ARHGAP6: variants seen among roughly 807,000 people sequenced by gnomAD.
The protein encoded by ARHGAP6 is rho GTPase-activating protein 6.
Under a neutral mutation model 55.7 loss-of-function variants are expected in ARHGAP6, and 16 were observed. That is an observed-to-expected ratio of 0.29 (90% CI 0.19 to 0.44). The LOEUF (loss-of-function observed/expected upper bound fraction) is 0.44. ARHGAP6 is among the 20% of genes least tolerant of loss of function. ARHGAP6 has a pLI of 1.00. For synonymous variants in ARHGAP6, 382 were observed against 360.9 expected, an observed-to-expected ratio of 1.06 and a Z score of -0.66; for missense variants, 698 against 808.9, an observed-to-expected ratio of 0.86 and a Z score of 1.66.
chrX:11,548,918 G>A (rs2147081449), intron 1 of ARHGAP6, among the ~76,000 whole-genome samples: 1 of 112,138 alleles, frequency 8.9e-6, no homozygotes, highest in East Asian at 2.8e-4. Context: ...CGGCTGAAAA[G>A]CATTTTATTG....
intron 1 of ARHGAP6, among the ~76,000 whole-genome samples, chrX:11,579,622 T>C (rs745496753): frequency 8.9e-6 from 1 of 112,127 alleles, no homozygotes; most frequent in African/African-American, 3.2e-5. Context: ...GTCACTTATC[T>C]GGGGGCAGAG....
chrX:11,345,497 G>A (rs964258459), intron 1 of ARHGAP6, among the ~76,000 whole-genome samples: 1 of 112,110 alleles, frequency 8.9e-6, no homozygotes, highest in African/African-American at 3.2e-5. Context: ...ATTTTTCTTT[G>A]AAGTATCTGA....
At chrX:11,497,559 T>C (rs148248172) in intron 1 of ARHGAP6, among the ~76,000 whole-genome samples, 2 of 41,122 alleles carry the variant, frequency 4.9e-5, no homozygotes, top group African/African-American at 9.3e-5. Context: ...CCCTCCCTCC[T>C]TCTCTCTCTC....
intron 5 of ARHGAP6, among the ~76,000 whole-genome samples, chrX:11,185,009 T>C (rs1319791902): frequency 8.9e-6 from 1 of 112,200 alleles, no homozygotes; most frequent in East Asian, 2.8e-4. Flanking sequence ...TGTAGGTAAC[T>C]GTAACAAAAT....
chrX:11,258,777 G>T (rs1327469074), intron 1 of ARHGAP6, among the ~76,000 whole-genome samples: 1 of 111,739 alleles, frequency 8.9e-6, no homozygotes, highest in Non-Finnish European at 1.9e-5. Context: ...GAGATCTGAG[G>T]TTATTTTGTT....
At chrX:11,458,755 C>T (rs1032061745) in intron 1 of ARHGAP6, among the ~76,000 whole-genome samples, 2 of 111,752 alleles carry the variant, frequency 1.8e-5, no homozygotes, top group Non-Finnish European at 3.8e-5. Context: ...GCCTGGGGTA[C>T]ATCAGCAAAC....
At chrX:11,153,524 CAAA>C (rs55669123) in intron 10 of ARHGAP6, among the ~76,000 whole-genome samples, 1 of 20,116 alleles carries the variant, frequency 5.0e-5, no homozygotes, top group Non-Finnish European at 8.6e-5. Context: ...GACTCGATCT[CAAA>C]AAAAAAAAAA....
At chrX:11,484,233 C>T (rs1220703620) in intron 1 of ARHGAP6, among the ~76,000 whole-genome samples, 2 of 110,072 alleles carry the variant, frequency 1.8e-5, no homozygotes, top group Admixed American at 2.0e-4. Flanking sequence ...CAGCTTTGCC[C>T]TGGTATGTGC....
intron 1 of ARHGAP6, among the ~76,000 whole-genome samples, chrX:11,490,533 C>T (rs760834799): frequency 1.8e-5 from 2 of 111,773 alleles, no homozygotes; most frequent in Non-Finnish European, 3.8e-5. Flanking sequence ...GGACTCCTGA[C>T]CTATGGAAAC....
chrX:11,435,591 G>C (rs2049980280), intron 1 of ARHGAP6, among the ~76,000 whole-genome samples: 3 of 111,919 alleles, frequency 2.7e-5, no homozygotes, highest in African/African-American at 9.8e-5. Flanking sequence ...TTTTTAGTGA[G>C]ATTCTTTGGT....
In ARHGAP6 at chrX:11,516,729, T is replaced by C. The variant is rs531000249; in HGVS notation, c.588+147512A>G. Among the ~76,000 whole-genome samples, 3 of 112,128 alleles carry C rather than the reference T, an allele frequency of 2.7e-5. No homozygotes were observed. In the South Asian group the frequency reaches 1.1e-3, roughly 41 times the overall value. On this transcript the variant is annotated intron_variant, in intron 1 of 12. Transcript: ENST00000337414. Reference sequence around the variant, plus strand: ...TATTTCTTTTGAAACATATTTTGTATGTTTTTAAAACATATTTTGCTCAAG... The same window carrying C: ...TATTTCTTTTGAAACATATTTTGTACGTTTTTAAAACATATTTTGCTCAAG...
chrX:11,370,475 A>G (rs2049131231), intron 1 of ARHGAP6, among the ~76,000 whole-genome samples: 1 of 111,945 alleles, frequency 8.9e-6, no homozygotes, highest in Admixed American at 9.5e-5. Flanking sequence ...CTCTGATGTC[A>G]GTCCTAATGT....
intron 1 of ARHGAP6, among the ~76,000 whole-genome samples, chrX:11,628,753 G>A (rs1427345361): frequency 1.1e-4 from 12 of 112,348 alleles, no homozygotes; most frequent in Admixed American, 1.0e-3. Flanking sequence ...TCCCTAGTAC[G>A]GAGTCTTTTC....
chrX:11,621,474 GA>G (rs143005872), intron 1 of ARHGAP6, among the ~76,000 whole-genome samples: 15,323 of 109,765 alleles, frequency 0.14, 994 homozygotes, highest in Middle Eastern at 0.23. Flanking sequence ...AATAAGATTT[GA>G]AAAAAAATGG....
intron 3 of ARHGAP6, 22 bp downstream of exon 3, chrX:11,196,903 C>T: frequency 1.1e-6 from 1 of 894,029 alleles, no homozygotes; most frequent in East Asian, 3.1e-5. Flanking sequence ...GATGCATTTA[C>T]ATTGGGTACT....
intron 10 of ARHGAP6, among the ~76,000 whole-genome samples, chrX:11,152,807 A>G (rs1455792441): frequency 8.9e-6 from 1 of 112,423 alleles, no homozygotes; most frequent in Admixed American, 9.4e-5. Flanking sequence ...TGGTAGATCT[A>G]AGCTAGAGGT....
intron 5 of ARHGAP6, among the ~76,000 whole-genome samples, chrX:11,183,592 G>A (rs999746254): frequency 5.4e-5 from 6 of 111,848 alleles, no homozygotes; most frequent in African/African-American, 1.9e-4. Flanking sequence ...TCATATGGTC[G>A]ATGTGCCTTT....
intron 1 of ARHGAP6, among the ~76,000 whole-genome samples, chrX:11,453,857 T>G (rs2050169250): frequency 8.9e-6 from 1 of 112,154 alleles, no homozygotes; most frequent in Non-Finnish European, 1.9e-5. Flanking sequence ...TAATGTATCT[T>G]CCTGAGAAAT....
At chrX:11,310,803 C>T (rs1384466191) in intron 1 of ARHGAP6, among the ~76,000 whole-genome samples, 2 of 111,950 alleles carry the variant, frequency 1.8e-5, no homozygotes, top group Non-Finnish European at 3.8e-5. Context: ...AGGCCACTGA[C>T]AAAAATTCTG....
Sources: gnomAD v4.1 joint callset for allele counts (sites outside exome capture counted in the v4.1 genomes callset) on GRCh38, gnomAD v4.1.1 for gene constraint, MANE v1.5 for transcripts, NCBI Gene and HGNC (gene_info 2026-07-23, HGNC 2026-07-21) for gene names.